The following NCKAP5 variants were observed in gnomAD, a reference collection of about 807,000 sequenced individuals.
NCKAP5 encodes the protein NCK associated protein 5.
A neutral mutation model predicts 167.0 loss-of-function variants in NCKAP5; 92 were observed. The ratio of observed to expected loss-of-function variants is 0.55; its 90% CI spans 0.47 to 0.66. The LOEUF (loss-of-function observed/expected upper bound fraction) is 0.66, where lower values mean the gene tolerates loss of function less well. Among genes scored for constraint, NCKAP5 ranks in the 30% least tolerant of loss-of-function variants. The probability of loss-of-function intolerance (pLI) is 0.00; values close to 1 mark genes in which losing one functional copy is unlikely to be tolerated. For missense variants in NCKAP5, 2,378 were observed against 2,315.0 expected, an observed-to-expected ratio of 1.03 and a Z score of -0.56; for synonymous variants, 891 against 877.4, an observed-to-expected ratio of 1.02 and a Z score of -0.27.
chr2:132,971,725 C>T (rs2076840722), intron 7 of NCKAP5, among the ~76,000 whole-genome samples: 1 of 152,204 alleles, frequency 6.6e-6, no homozygotes, highest in East Asian at 1.9e-4. Flanking sequence ...CTAACAGTGA[C>T]AAGCAACATT....
intron 2 of NCKAP5, among the ~76,000 whole-genome samples, chr2:133,550,117 C>T (rs1687151293): frequency 6.7e-6 from 1 of 148,428 alleles, no homozygotes; most frequent in African/African-American, 2.5e-5. Flanking sequence ...AGTTTACCAA[C>T]CAAAAAGAGT....
At chr2:133,671,447 A>G in the NCKAP5 span, among the ~76,000 whole-genome samples, 1 of 152,094 alleles carries the variant, frequency 6.6e-6, no homozygotes, top group South Asian at 2.1e-4. Flanking sequence ...TCATAAATGG[A>G]TCAATTAATT....
At chr2:132,686,719 A>G (rs934615264) in intron 19 of NCKAP5, among the ~76,000 whole-genome samples, 1 of 152,204 alleles carries the variant, frequency 6.6e-6, no homozygotes, top group Non-Finnish European at 1.5e-5. Context: ...ACAAGCTGCC[A>G]TACTTTCTGG....
At chr2:132,767,300 G>A (rs1233011677) in intron 16 of NCKAP5, among the ~76,000 whole-genome samples, 1 of 151,874 alleles carries the variant, frequency 6.6e-6, no homozygotes, top group East Asian at 1.9e-4. Flanking sequence ...AGGCTGGAGT[G>A]CAATGGTGCA....
intron 5 of NCKAP5, among the ~76,000 whole-genome samples, chr2:133,202,657 C>A (rs28802665): frequency 0.12 from 18,464 of 151,814 alleles, 1,455 homozygotes; most frequent in African/African-American, 0.22. Context: ...GGGCTAATAT[C>A]CAGAATCTAC....
chr2:133,058,038 G>A (rs1322585360), intron 6 of NCKAP5, among the ~76,000 whole-genome samples: 1 of 152,152 alleles, frequency 6.6e-6, no homozygotes, highest in Non-Finnish European at 1.5e-5. Flanking sequence ...CTCTATAGAT[G>A]GAACAACAAA....
In NCKAP5 at chr2:132,782,798, A is replaced by G; in HGVS notation, c.4013T>C (p.Val1338Ala). The change falls in exon 14 of 20, where the codon GTT (valine) becomes GCT (alanine). Residue 1338 changes from valine to alanine, a missense_variant. By Grantham distance (64) the Val-to-Ala change is moderately conservative. Around this residue, in one of 3 missense-constraint regions of NCKAP5, gnomAD observed 1,325 missense variants for 1,274.5 expected, o/e 1.04. Transcript: ENST00000409261. ...SAPMLESLPS[V>A]GRPSGHPSSG... ...GGAGGGGTGCCCCGAGGGCCTCCCAACACTGGGGAGACTCTCCAACATGGG... is the reference window on the plus strand; with the variant it reads ...GGAGGGGTGCCCCGAGGGCCTCCCAGCACTGGGGAGACTCTCCAACATGGG... 6.2e-7 allele frequency: 1 copy of G among 1,613,842 alleles called. No individual in the cohort carries two copies. The highest frequency in any genetic ancestry group is 8.5e-7 in the Non-Finnish European group (1 of 1,179,834).
intron 6 of NCKAP5, among the ~76,000 whole-genome samples, chr2:133,015,566 C>T (rs1559052585): frequency 6.6e-6 from 1 of 152,146 alleles, no homozygotes; most frequent in Non-Finnish European, 1.5e-5. Context: ...AATGATAAAG[C>T]TTCATCAGGG....
intron 3 of NCKAP5, among the ~76,000 whole-genome samples, chr2:133,481,277 C>A (rs1157896725): frequency 1.3e-5 from 2 of 152,114 alleles, no homozygotes; most frequent in Non-Finnish European, 2.9e-5. Flanking sequence ...AGTGTTGGAA[C>A]CCAGCATTTC....
At chr2:133,263,405 C>T (rs2089017656) in intron 4 of NCKAP5, among the ~76,000 whole-genome samples, 1 of 151,928 alleles carries the variant, frequency 6.6e-6, no homozygotes. Context: ...CCTAGGATTA[C>T]TTCTTGGCTT....
At chr2:133,044,914 G>A (rs2079339386) in intron 6 of NCKAP5, among the ~76,000 whole-genome samples, 1 of 152,038 alleles carries the variant, frequency 6.6e-6, no homozygotes. Context: ...AGTTAGCTGA[G>A]TGTGTTGGTG....
At chr2:133,440,066 G>A (rs1690737137) in intron 3 of NCKAP5, among the ~76,000 whole-genome samples, 1 of 152,120 alleles carries the variant, frequency 6.6e-6, no homozygotes, top group African/African-American at 2.4e-5. Flanking sequence ...CTGTTTGTAT[G>A]ATATACTGCT....
intron 5 of NCKAP5, among the ~76,000 whole-genome samples, chr2:133,211,256 G>C (rs939907778): frequency 1.3e-5 from 2 of 152,014 alleles, no homozygotes; most frequent in African/African-American, 4.8e-5. Flanking sequence ...TTAGAGACAG[G>C]GTTTTGCTCT....
Position 132,784,063 on chromosome 2 carries a change from A to G in NCKAP5, c.2748T>C (p.Cys916=), listed in dbSNP as rs199724142. ...TCACCCCTGCCTCCGGCCCAGAGCC[A>G]CAGTGTTCATCCCTCGTGGGGGGCT... ...SGEPPTRDEH[C]GSGPEAGVKS... The change falls in exon 14 of 20, where the codon TGT becomes TGC. Residue 916 remains cysteine (C), a synonymous_variant. Transcript: ENST00000409261. 5 of 1,529,348 alleles carry G rather than the reference A, an allele frequency of 3.3e-6. No individual in the cohort carries two copies. The highest frequency in any genetic ancestry group is 2.8e-5 in the African/African-American group (2 of 72,116). 94.7% of individuals were successfully genotyped at this position (1,529,348 alleles called of 1,614,324 possible).
intron 3 of NCKAP5, among the ~76,000 whole-genome samples, chr2:133,445,302 T>C (rs1691125822): frequency 4.6e-5 from 7 of 152,180 alleles, no homozygotes. Context: ...ATTGTGGAGT[T>C]TATAAAGATG....
intron 3 of NCKAP5, among the ~76,000 whole-genome samples, chr2:133,382,260 T>C (rs780696407): frequency 7.2e-5 from 11 of 152,148 alleles, no homozygotes; most frequent in African/African-American, 1.7e-4. Flanking sequence ...ATTACTATGG[T>C]AGTGTTAAAT....
intron 11 of NCKAP5, among the ~76,000 whole-genome samples, chr2:132,843,056 A>G (rs899131187): frequency 6.6e-6 from 1 of 152,116 alleles, no homozygotes; most frequent in Non-Finnish European, 1.5e-5. Context: ...TTATTATCAG[A>G]TAGTTGGCCT....
chr2:133,539,095 C>T (rs1264957957), intron 2 of NCKAP5, among the ~76,000 whole-genome samples: 4 of 151,942 alleles, frequency 2.6e-5, no homozygotes, highest in Non-Finnish European at 1.5e-5. Context: ...CGCCAGCCAC[C>T]ACGCCCGGCT....
At chr2:133,103,927 T>C (rs1182809062) in intron 6 of NCKAP5, among the ~76,000 whole-genome samples, 1 of 152,034 alleles carries the variant, frequency 6.6e-6, no homozygotes, top group Admixed American at 6.5e-5. Flanking sequence ...GAGAAATAAC[T>C]CTATCTTCTT....
Sources: gnomAD v4.1 joint callset for allele counts (sites outside exome capture counted in the v4.1 genomes callset) on GRCh38, gnomAD v4.1.1 for gene constraint, gnomAD v4.1.1 regional missense constraint, MANE v1.5 for transcripts, NCBI Gene and HGNC (gene_info 2026-07-23, HGNC 2026-07-21) for gene names.